Variants in MBOAT2 observed in about 807,000 individuals in gnomAD.
MBOAT2 encodes the protein membrane-bound glycerophospholipid O-acyltransferase 2.
MBOAT2 carries 28 observed loss-of-function variants against 63.4 expected under a neutral mutation model. The ratio of observed to expected loss-of-function variants is 0.44; its 90% CI spans 0.33 to 0.61. The LOEUF (loss-of-function observed/expected upper bound fraction) is 0.61, where lower values mean the gene tolerates loss of function less well. MBOAT2 is among the 20% of genes least tolerant of loss of function. The pLI is 0.03. For synonymous variants in MBOAT2, 211 were observed against 215.6 expected (o/e 0.98, Z 0.19); for missense variants, 470 against 605.8 (o/e 0.78, Z 2.35).
intron 1 of MBOAT2, among the ~76,000 whole-genome samples, chr2:8,961,851 G>T (rs1669626147): frequency 6.6e-6 from 1 of 152,156 alleles, no homozygotes; most frequent in Admixed American, 6.5e-5. Context: ...TCATGCCAAG[G>T]CCATGCTGGG....
intron 1 of MBOAT2, among the ~76,000 whole-genome samples, chr2:8,965,486 C>T (rs764410165): frequency 3.9e-5 from 6 of 152,106 alleles, no homozygotes; most frequent in Non-Finnish European, 8.8e-5. Flanking sequence ...TGAACCTGAT[C>T]TTATCATTTT....
intron 4 of MBOAT2, among the ~76,000 whole-genome samples, chr2:8,904,878 A>G (rs965222635): frequency 2.6e-5 from 4 of 152,188 alleles, no homozygotes; most frequent in African/African-American, 9.7e-5. Flanking sequence ...ATGAAACCAA[A>G]CAACTTCAGT....
chr2:8,864,817 G>A (rs1440335806), intron 9 of MBOAT2, among the ~76,000 whole-genome samples: 2 of 152,024 alleles, frequency 1.3e-5, no homozygotes, highest in African/African-American at 4.8e-5. Context: ...CTCAGAGGGG[G>A]CCTTTCATCT....
In MBOAT2 at chr2:8,936,925, G is replaced by A. The variant is rs924901752; in HGVS notation, c.299+6262C>T. 3.9e-5 allele frequency among the ~76,000 whole-genome samples: 6 copies of A among 151,910 alleles called. No individual in the cohort carries two copies. In the East Asian group the frequency reaches 5.8e-4, roughly 15 times the overall value. On this transcript the variant is annotated intron_variant, in intron 3 of 12. Transcript: ENST00000305997. Reference sequence around the variant, plus strand: ...TAACAGGCTTCCACTCTTGAATATCGCAGAACACGCCACATTGTGCTGCCT... The same window carrying A: ...TAACAGGCTTCCACTCTTGAATATCACAGAACACGCCACATTGTGCTGCCT...
intron 4 of MBOAT2, among the ~76,000 whole-genome samples, chr2:8,892,571 A>C (rs1664082499): frequency 6.6e-6 from 1 of 152,230 alleles, no homozygotes; most frequent in Non-Finnish European, 1.5e-5. Flanking sequence ...GCTGCTATGA[A>C]ATTTATACTG....
At chr2:8,924,867 C>G (rs1262519628) in intron 3 of MBOAT2, among the ~76,000 whole-genome samples, 1 of 152,092 alleles carries the variant, frequency 6.6e-6, no homozygotes, top group Non-Finnish European at 1.5e-5. Context: ...ATTATTTTAT[C>G]TTTCAAAATA....
chr2:8,901,846 C>G (rs910127584), intron 4 of MBOAT2, among the ~76,000 whole-genome samples: 1 of 152,136 alleles, frequency 6.6e-6, no homozygotes, highest in East Asian at 1.9e-4. Context: ...GAATCAGAGA[C>G]AGGGAGTGGT....
rs746183929 is a variant in MBOAT2, at chr2:8,873,130, T to C, written c.861A>G (p.Lys287=). Residue 287 remains lysine (K), a synonymous_variant, in exon 8 of 13, where the codon AAA becomes AAG. Transcript: ENST00000305997. ...TACCTAGCGTCCATGCAAAATAGTA[T>C]TTGGGTCTGGCAGCCAAAAGAGAGA... ...LYISLLAARP[K]YYFAWTLADA... is the part of the protein sequence containing the mutation. 2 of 1,613,886 alleles carry C rather than the reference T, an allele frequency of 1.2e-6. No individual in the cohort carries two copies. The highest frequency in any genetic ancestry group is 1.7e-5 in the Admixed American group (1 of 59,982).
At chr2:8,899,809 G>A (rs961129126) in intron 4 of MBOAT2, among the ~76,000 whole-genome samples, 3 of 152,118 alleles carry the variant, frequency 2.0e-5, no homozygotes, top group Non-Finnish European at 2.9e-5. Flanking sequence ...CTAAGGCTGC[G>A]GCCTTTCTCT....
chr2:8,897,676 C>G lies in MBOAT2; in HGVS notation c.396-9603G>C, dbSNP rs7601547. 4.7e-3 allele frequency among the ~76,000 whole-genome samples: 712 copies of G among 152,292 alleles called. 5 individuals carry two copies. Among genetic ancestry groups the G allele is most frequent in the African/African-American group, 0.016 (680 of 41,558 alleles). ...TAACCTGCCCTTCATATCCCATTCTCCACAAATGAACTTCCATCAGTATAT... is the reference window on the plus strand; with the variant it reads ...TAACCTGCCCTTCATATCCCATTCTGCACAAATGAACTTCCATCAGTATAT... On this transcript the variant is annotated intron_variant, in intron 4 of 12. Transcript: ENST00000305997.
At chr2:8,949,458 G>GT (rs1218602442) in intron 2 of MBOAT2, among the ~76,000 whole-genome samples, 1 of 150,466 alleles carries the variant, frequency 6.6e-6, no homozygotes, top group African/African-American at 2.4e-5. Flanking sequence ...TTTTTTCAGG[G>GT]TTCTTACAGT....
In MBOAT2 at chr2:8,908,712, A is replaced by G; in HGVS notation, c.304T>C (p.Cys102Arg). 1 of 1,601,246 alleles carries G rather than the reference A, an allele frequency of 6.2e-7. No homozygotes were observed. The highest frequency in any genetic ancestry group is 8.5e-7 in the Non-Finnish European group (1 of 1,170,344). ...IIGVENMHNYCFVFALGYLTV... is the reference protein window; with the variant it reads ...IIGVENMHNYRFVFALGYLTV... The stretch of plus-strand genomic sequence containing the variant: ...AGGTATCCCAGAGCAAACACAAAGC[A>G]GTAACTGCAAAACAAAAATAAGCTA... The change falls in exon 4 of 13, where the codon TGC (cysteine) becomes CGC (arginine). Residue 102 changes from cysteine to arginine, a missense_variant. By Grantham distance (180) the Cys-to-Arg change is radical. This residue lies in a region of MBOAT2 where 376 missense variants were observed against 503.8 expected (regional missense o/e 0.75). Coordinates refer to ENST00000305997, the MANE Select transcript of MBOAT2 (RefSeq NM_138799.4).
intron 11 of MBOAT2, among the ~76,000 whole-genome samples, chr2:8,861,330 T>C (rs1661478091): frequency 6.6e-6 from 1 of 152,200 alleles, no homozygotes; most frequent in South Asian, 2.1e-4. Context: ...CTGGTAATTC[T>C]AGAGAGGTAA....
At chr2:8,992,299 C>G (rs897075296) in intron 1 of MBOAT2, among the ~76,000 whole-genome samples, 1 of 152,170 alleles carries the variant, frequency 6.6e-6, no homozygotes, top group African/African-American at 2.4e-5. Flanking sequence ...TCCATTCATT[C>G]TTTTTGTTTG....
At chr2:8,866,282 C>T (rs997998694) in intron 9 of MBOAT2, among the ~76,000 whole-genome samples, 5 of 151,990 alleles carry the variant, frequency 3.3e-5, no homozygotes, top group African/African-American at 1.2e-4. Context: ...TATATACATA[C>T]AGTAGTGTAT....
At chr2:8,909,087 A>T (rs1471485426) in intron 3 of MBOAT2, among the ~76,000 whole-genome samples, 1 of 152,212 alleles carries the variant, frequency 6.6e-6, no homozygotes, top group African/African-American at 2.4e-5. Flanking sequence ...CATTCAACAA[A>T]TTCTTAATAG....
rs1214265943 is a variant in MBOAT2, at chr2:9,003,032, G to C, written c.75+508C>G. The stretch of plus-strand genomic sequence containing the variant: ...CCTCTCCGGGCCCCTAGCACCCATC[G>C]ACGCCGTCTCTAAGGCACCCAGCAC... On this transcript the variant is annotated intron_variant, in intron 1 of 12. Transcript: ENST00000305997. The surrounding 1 kb of genome is among the most constrained non-coding windows in gnomAD (Gnocchi z 5.4). Among the ~76,000 whole-genome samples the C allele has an allele frequency of 6.6e-6, 1 of 152,092 alleles. No homozygotes were observed. Among genetic ancestry groups the C allele is most frequent in the Non-Finnish European group, 1.5e-5 (1 of 67,956 alleles).
rs1667254168 is a variant in MBOAT2, at chr2:8,930,695, C to T, written c.299+12492G>A. Among the ~76,000 whole-genome samples, 3 of 126,158 alleles carry T rather than the reference C, an allele frequency of 2.4e-5. No individual in the cohort carries two copies. The East Asian group carries it at 7.1e-4, about 30-fold the overall frequency. 82.8% of individuals were successfully genotyped at this position (126,158 alleles called of 152,430 possible). On this transcript the variant is annotated intron_variant, in intron 3 of 12. Coordinates refer to ENST00000305997, the MANE Select transcript of MBOAT2 (RefSeq NM_138799.4). Reference sequence around the variant, plus strand: ...GGTTTGGACACAGGAAGGGGAACATCACACACCGGGGACTGTTGTGGGGTG... The same window carrying T: ...GGTTTGGACACAGGAAGGGGAACATTACACACCGGGGACTGTTGTGGGGTG...
chr2:8,868,355 A>G (rs1277780510), intron 9 of MBOAT2, 91 bp downstream of exon 9: 15 of 1,060,800 alleles, frequency 1.4e-5, no homozygotes, highest in Admixed American at 4.4e-5. Context: ...AAAACCTTCA[A>G]TACCACTCCT....
Sources: allele counts gnomAD v4.1 joint callset (sites outside exome capture counted in the v4.1 genomes callset), GRCh38; gene constraint gnomAD v4.1.1; regional missense constraint gnomAD v4.1.1; non-coding constraint Gnocchi (gnomAD v3.1); transcripts MANE v1.5; gene names NCBI Gene and HGNC (gene_info 2026-07-23, HGNC 2026-07-21).